Variants in TM9SF2 observed in about 807,000 individuals in gnomAD.
TM9SF2 encodes the protein 76 kDa membrane protein.
A neutral mutation model predicts 84.9 loss-of-function variants in TM9SF2; 13 were observed. The observed-to-expected ratio is 0.15, with a 90% CI of 0.10 to 0.24. The LOEUF (loss-of-function observed/expected upper bound fraction) is 0.24, where lower values mean the gene tolerates loss of function less well. Among genes scored for constraint, TM9SF2 ranks in the 10% least tolerant of loss-of-function variants. TM9SF2 has a pLI of 1.00. For missense variants in TM9SF2, 562 were observed against 818.5 expected (o/e 0.69, Z 3.82); for synonymous variants, 273 against 285.8 (o/e 0.96, Z 0.45).
At position 99,549,231 on chromosome 13, in the gene TM9SF2, AT is replaced by A. The variant is rs774961154; in HGVS notation, c.1328+14del. 2.5e-6 allele frequency: 4 copies of A among 1,610,364 alleles called. No homozygotes were observed. In the African/African-American group the frequency reaches 5.3e-5, roughly 22 times the overall value. On this transcript the variant is annotated intron_variant, in intron 12 of 16. Transcript: ENST00000376387. Reference sequence around the variant, plus strand: ...TCATTTCTTTGTCCTGGGTAAGTGAATTTTTCAAGAATTACTTTCTTAACAT... The same window carrying A: ...TCATTTCTTTGTCCTGGGTAAGTGAATTTTCAAGAATTACTTTCTTAACAT...
At chr13:99,542,459 G>A (rs2046264501) in intron 9 of TM9SF2, among the ~76,000 whole-genome samples, 1 of 152,136 alleles carries the variant, frequency 6.6e-6, no homozygotes, top group South Asian at 2.1e-4. Context: ...AACTTTTTAA[G>A]TTGCACAGTG....
At chr13:99,545,445 G>A (rs76558518) in intron 10 of TM9SF2, among the ~76,000 whole-genome samples, 3,836 of 152,206 alleles carry the variant, frequency 0.025, 161 homozygotes, top group African/African-American at 0.086. Context: ...AAAGAGAATA[G>A]GTCAGGAAAA....
intron 5 of TM9SF2, among the ~76,000 whole-genome samples, chr13:99,537,211 A>T (rs1223175227): frequency 6.6e-6 from 1 of 152,202 alleles, no homozygotes; most frequent in Admixed American, 6.5e-5. Context: ...GTGGGGATAT[A>T]TATTAAAATG....
rs762293864 is a variant in TM9SF2, at chr13:99,539,555, G to A, written c.826G>A (p.Glu276Lys). The stretch of plus-strand genomic sequence containing the variant: ...TGCCTATACTTACTCTGTTAGCTTC[G>A]AGGTGAGTCTGTTGTTATCTTTAGT... ...KIAYTYSVSF[E>K]EDDKIRWASR... The change falls in exon 7 of 17, where the codon GAG (glutamate) becomes AAG (lysine). Residue 276 changes from glutamate (E) to lysine (K), a missense_variant and splice_region_variant. Transcript: ENST00000376387. 7 of 1,570,068 alleles carry A rather than the reference G, an allele frequency of 4.5e-6. No homozygotes were observed. The highest frequency in any genetic ancestry group is 2.7e-5 in the African/African-American group (2 of 73,982).
At chr13:99,552,045 T>C (rs1178572199) in intron 12 of TM9SF2, 122 bp from the exon 13 acceptor site, 3 of 939,786 alleles carry the variant, frequency 3.2e-6, no homozygotes, top group Non-Finnish European at 4.6e-6. Flanking sequence ...CATCCTGTGA[T>C]GCAGCAATTC....
At chr13:99,519,988 T>C in intron 2 of TM9SF2, 48 bp from the exon 3 acceptor site, 1 of 1,566,900 alleles carries the variant, frequency 6.4e-7, no homozygotes, top group East Asian at 2.2e-5. Flanking sequence ...GTGTTTGATA[T>C]TTCATCGTTC....
At position 99,552,591 on chromosome 13, in the gene TM9SF2, ACATTCATT is replaced by A. The variant is rs34121466; in HGVS notation, c.1488+286_1488+293del. ...GAAATGCTGATATAAACTAATGAAAACATTCATTCATTCATTCATTCATTCATTTAGAG... is the reference window on the plus strand; with the variant it reads ...GAAATGCTGATATAAACTAATGAAAACATTCATTCATTCATTCATTTAGAG... On this transcript the variant is annotated intron_variant, in intron 13 of 16. Coordinates refer to ENST00000376387, the MANE Select transcript of TM9SF2 (RefSeq NM_004800.3). 1.4e-3 allele frequency among the ~76,000 whole-genome samples: 206 copies of A among 151,142 alleles called. 1 individual carries two copies. Among genetic ancestry groups the A allele is most frequent in the African/African-American group, 4.6e-3 (190 of 41,326 alleles).
At chr13:99,530,141 C>G (rs1170849045) in intron 4 of TM9SF2, among the ~76,000 whole-genome samples, 2 of 151,860 alleles carry the variant, frequency 1.3e-5, no homozygotes, top group South Asian at 2.1e-4. Context: ...AAAAATGGCA[C>G]TGATATAGGC....
At chr13:99,559,091 C>T (rs1402229607) in intron 15 of TM9SF2, among the ~76,000 whole-genome samples, 2 of 152,168 alleles carry the variant, frequency 1.3e-5, no homozygotes, top group Non-Finnish European at 2.9e-5. Flanking sequence ...TGAAATACAG[C>T]CTAATGTTTT....
chr13:99,511,939 C>T (rs754539940), intron 1 of TM9SF2, among the ~76,000 whole-genome samples: 1 of 152,212 alleles, frequency 6.6e-6, no homozygotes, highest in African/African-American at 2.4e-5. Context: ...AGCAAGGAAT[C>T]CCTAGTTCAT....
At chr13:99,540,638 TTGAA>T (rs1394595514) in intron 7 of TM9SF2, 72 bp from the exon 8 acceptor site, 1 of 1,239,752 alleles carries the variant, frequency 8.1e-7, no homozygotes, top group Non-Finnish European at 1.2e-6. Context: ...AGGACAAGCT[TTGAA>T]TGGGATTTTT....
intron 1 of TM9SF2, among the ~76,000 whole-genome samples, chr13:99,517,025 T>A (rs1354954213): frequency 6.6e-6 from 1 of 152,180 alleles, no homozygotes; most frequent in African/African-American, 2.4e-5. Flanking sequence ...TTAAAATATC[T>A]TATTAATTTT....
chr13:99,513,095 A>G (rs565522612), intron 1 of TM9SF2, among the ~76,000 whole-genome samples: 69 of 152,352 alleles, frequency 4.5e-4, no homozygotes, highest in African/African-American at 1.5e-3. Context: ...TGAGATGATG[A>G]GCTCCAAGCT....
At chr13:99,558,900 A>G (rs1415239183) in intron 15 of TM9SF2, among the ~76,000 whole-genome samples, 1 of 152,222 alleles carries the variant, frequency 6.6e-6, no homozygotes, top group Non-Finnish European at 1.5e-5. Flanking sequence ...TATTTTAATC[A>G]TCTGCCTTGT....
At chr13:99,533,971 A>G (rs1006847122) in intron 4 of TM9SF2, among the ~76,000 whole-genome samples, 18 of 152,118 alleles carry the variant, frequency 1.2e-4, no homozygotes, top group African/African-American at 4.1e-4. Context: ...TCCTGGCCAT[A>G]CTTTTTATTC....
chr13:99,525,072 T>A (rs920243744), intron 3 of TM9SF2, among the ~76,000 whole-genome samples: 2 of 152,068 alleles, frequency 1.3e-5, no homozygotes, highest in Admixed American at 6.5e-5. Context: ...GCCTTCAATG[T>A]TGAGGTCATT....
At chr13:99,504,162 G>T (rs571591419) in intron 1 of TM9SF2, among the ~76,000 whole-genome samples, 4 of 152,278 alleles carry the variant, frequency 2.6e-5, no homozygotes, top group Middle Eastern at 3.4e-3. Flanking sequence ...CTTCAATCAG[G>T]ATGTTAATAA....
intron 8 of TM9SF2, among the ~76,000 whole-genome samples, chr13:99,541,143 T>C (rs1293239692): frequency 1.3e-5 from 2 of 152,246 alleles, no homozygotes; most frequent in Non-Finnish European, 2.9e-5. Flanking sequence ...AAAACTTTTA[T>C]CTAGAGTTGT....
rs139130549 is a variant in TM9SF2, at chr13:99,555,635, C to T, written c.1740C>T (p.His580=). 697 of 1,611,784 alleles carry T rather than the reference C, an allele frequency of 4.3e-4. 1 individual carries two copies. The highest frequency in any genetic ancestry group is 5.7e-4 in the Non-Finnish European group (673 of 1,178,132). ...CAACTATACTTCTTTGCTATTTCCA[C>T]CTATGTGCAGAGGTATGTATTAGCA... ...SEATILLCYF[H]LCAEDYHWQW... Residue 580 remains histidine, a synonymous_variant, in exon 15 of 17, where the codon CAC becomes CAT. Transcript: ENST00000376387.
Sources: gnomAD v4.1 joint callset for allele counts (sites outside exome capture counted in the v4.1 genomes callset) on GRCh38, gnomAD v4.1.1 for gene constraint, MANE v1.5 for transcripts, NCBI Gene and HGNC (gene_info 2026-07-23, HGNC 2026-07-21) for gene names.